Variants in CARS2 observed in about 807,000 individuals in gnomAD.
The protein encoded by CARS2 is cysteinyl-tRNA synthetase 2, mitochondrial.
In CARS2, 52 loss-of-function variants were observed where a neutral mutation model predicts 68.8. The ratio of observed to expected loss-of-function variants is 0.76; its 90% CI spans 0.61 to 0.95. CARS2 has a LOEUF of 0.95. CARS2 is among the 40% of genes least tolerant of loss of function. The pLI is 0.00. For missense variants in CARS2, 780 were observed against 754.2 expected (o/e 1.03, Z -0.40); for synonymous variants, 314 against 303.6 (o/e 1.03, Z -0.36).
chr13:110,674,407 A>T (rs540283464), intron 7 of CARS2, among the ~76,000 whole-genome samples: 2 of 134,490 alleles, frequency 1.5e-5, no homozygotes, highest in South Asian at 4.6e-4. Context: ...CTCAGAAATA[A>T]TACCACACAT....
chr13:110,675,582 A>G (rs1223316533), intron 7 of CARS2, among the ~76,000 whole-genome samples: 2 of 152,198 alleles, frequency 1.3e-5, no homozygotes, highest in African/African-American at 2.4e-5. Flanking sequence ...GGGGAGGGAT[A>G]GCATTAGGAG....
intron 14 of CARS2, 52 bp from the exon 15 acceptor site, chr13:110,641,660 A>G (rs754088913): frequency 7.0e-7 from 1 of 1,434,506 alleles, no homozygotes; most frequent in South Asian, 1.1e-5. Flanking sequence ...GTCATGTGGC[A>G]CAGGGGGCTG....
At position 110,705,942 on chromosome 13, in the gene CARS2, C is replaced by T. The variant is rs1344104443; in HGVS notation, c.152G>A (p.Gly51Asp). Residue 51 changes from glycine (G) to aspartate (D), a missense_variant, in exon 1 of 15, where the codon GGT becomes GAT. Coordinates refer to ENST00000257347, the MANE Select transcript of CARS2 (RefSeq NM_024537.4). The surrounding 1 kb of genome is among the most constrained non-coding windows in gnomAD (Gnocchi z 4.0). ...GGTGAGGCTGTTGTACACCTGCACA[C>T]CCGTCTCCCGGCCCGTGGGCTGCAG... Reference protein sequence around the residue: ...AWLQPTGRETGVQVYNSLTGR... With the variant: ...AWLQPTGRETDVQVYNSLTGR... 6.4e-7 allele frequency: 1 copy of T among 1,563,690 alleles called. No homozygotes were observed. Among genetic ancestry groups the T allele is most frequent in the Non-Finnish European group, 8.6e-7 (1 of 1,157,932 alleles).
chr13:110,706,114 A>G lies in CARS2; in HGVS notation c.-21T>C. On this transcript the variant is annotated 5_prime_UTR_variant, in exon 1 of 15. Coordinates refer to ENST00000257347, the MANE Select transcript of CARS2 (RefSeq NM_024537.4). ...AACATGTCAGCGGCCAGCGCCTACG[A>G]CTGGGCGGAGACGGGAGCCACGCCG... The G allele has an allele frequency of 7.7e-7, 1 of 1,291,266 alleles. No homozygotes were observed. Among genetic ancestry groups the G allele is most frequent in the East Asian group, 3.3e-5 (1 of 30,570 alleles). The allele number at this position is 1,291,266 out of a possible 1,614,324, so 80.0% of individuals were successfully genotyped here. A position where few individuals can be genotyped will look rare whatever the true frequency, so the allele number is the denominator to read the frequency against.
intron 2 of CARS2, among the ~76,000 whole-genome samples, chr13:110,703,045 C>T (rs2063835633): frequency 6.6e-6 from 1 of 152,190 alleles, no homozygotes; most frequent in Non-Finnish European, 1.5e-5. Context: ...CCTCCCCAGT[C>T]TGGCTGCAAC....
chr13:110,699,538 T>C (rs1164121204), intron 3 of CARS2, among the ~76,000 whole-genome samples: 2 of 152,184 alleles, frequency 1.3e-5, no homozygotes, highest in Non-Finnish European at 2.9e-5. Flanking sequence ...TTAAATTCCT[T>C]CATCAGATTC....
Position 110,641,600 on chromosome 13 carries a change from G to T in CARS2, c.1632C>A (p.Ser544Arg), listed in dbSNP as rs141184379. Residue 544 changes from serine (S) to arginine (R), a missense_variant, in exon 15 of 15, where the codon AGC becomes AGA. Transcript: ENST00000257347. ...TAHGINIKDR[S>R]STTSTWELLD... ...GCAGTTCCCACGTGGATGTTGTACT[G>T]CTTCTGTCCTGGAGAAGAAGAGTGA... The T allele has an allele frequency of 4.5e-4, 726 of 1,613,552 alleles. 2 individuals carry two copies. The African/African-American group carries it at 8.4e-3, about 19-fold the overall frequency.
rs1249270267 is a variant in CARS2, at chr13:110,649,931, C to CTGTTTTTTTTTTTTTTTTTT, written c.1054+1102_1054+1103insAAAAAAAAAAAAAAAAAACA. Among the ~76,000 whole-genome samples the CTGTTTTTTTTTTTTTTTTTT allele has an allele frequency of 2.5e-3, 180 of 73,146 alleles. 4 individuals are homozygous for CTGTTTTTTTTTTTTTTTTTT. The highest frequency in any genetic ancestry group is 5.2e-3 in the South Asian group (9 of 1,724). 48.0% of individuals were successfully genotyped at this position (73,146 alleles called of 152,430 possible). ...CCAGGGATGCAGCTCTGGATAACGA[C>CTGTTTTTTTTTTTTTTTTTT]TTTTTTTTTTTTTTTTTTTTTTTTG... On this transcript the variant is annotated intron_variant, in intron 10 of 14. Transcript: ENST00000257347.
At chr13:110,688,682 G>A (rs1205578311) in intron 3 of CARS2, 1 of 152,266 alleles carries the variant, frequency 6.6e-6, no homozygotes, top group African/African-American at 2.4e-5. Context: ...GACTAAGGCA[G>A]GTGGATGACA....
intron 2 of CARS2, among the ~76,000 whole-genome samples, chr13:110,704,677 T>A (rs1292657543): frequency 6.6e-6 from 1 of 151,976 alleles, no homozygotes; most frequent in Non-Finnish European, 1.5e-5. Flanking sequence ...GAGGCAGAGG[T>A]TGCAGTGAGC....
chr13:110,712,991 G>A (rs753089318), intron 1 of CARS2: 4 of 1,548,610 alleles, frequency 2.6e-6, no homozygotes, highest in South Asian at 2.4e-5. Flanking sequence ...GGTCTCCCGC[G>A]CACTCTGCGG....
At chr13:110,679,571 G>A (rs112605151) in intron 6 of CARS2, among the ~76,000 whole-genome samples, 1,109 of 99,980 alleles carry the variant, frequency 0.011, 21 homozygotes, top group African/African-American at 0.04. Context: ...GAAAGAAAGA[G>A]AGAGAAAGAA....
chr13:110,664,190 C>T (rs186018342), intron 8 of CARS2: 1 of 985,388 alleles, frequency 1.0e-6, no homozygotes. Context: ...GACTCTTCCT[C>T]TTTTTCTGAC....
At position 110,653,297 on chromosome 13, in the gene CARS2, C is replaced by T. The variant is rs2139709110; in HGVS notation, c.988-2197G>A. Among the ~76,000 whole-genome samples the T allele has an allele frequency of 6.6e-6, 1 of 152,150 alleles. No homozygotes were observed. The highest frequency in any genetic ancestry group is 2.1e-4 in the South Asian group (1 of 4,818). On this transcript the variant is annotated intron_variant, in intron 9 of 14. Coordinates refer to ENST00000257347, the MANE Select transcript of CARS2 (RefSeq NM_024537.4). The surrounding 1 kb of genome is among the most constrained non-coding windows in gnomAD (Gnocchi z 5.6). ...ACACTGGAATTCCATTTCCGTCTGT[C>T]CATCTCCCGGGTGCTCCTTCCCAAA...
At chr13:110,670,000 G>A (rs1471700003) in intron 7 of CARS2, among the ~76,000 whole-genome samples, 2 of 152,210 alleles carry the variant, frequency 1.3e-5, no homozygotes, top group Non-Finnish European at 2.9e-5. Flanking sequence ...AGGCGGCAGC[G>A]AGGCTGGGGG....
Position 110,677,118 on chromosome 13 carries a change from C to T in CARS2, c.656-15G>A, listed in dbSNP as rs559902282. On this transcript the variant is annotated splice_polypyrimidine_tract_variant and intron_variant, in intron 6 of 14. Transcript: ENST00000257347. ...GTCAGAGTCCGCTGCAGATGACAAA[C>T]GGTACATCAGTGGGAAGAAGCTCAG... 2.3e-5 allele frequency: 37 copies of T among 1,596,210 alleles called. No individual in the cohort carries two copies. Among genetic ancestry groups the T allele is most frequent in the South Asian group, 2.2e-4 (20 of 89,656 alleles).
intron 3 of CARS2, among the ~76,000 whole-genome samples, chr13:110,691,623 A>T (rs1594385772): frequency 6.6e-6 from 1 of 151,982 alleles, no homozygotes; most frequent in Non-Finnish European, 1.5e-5. Flanking sequence ...TCTCCAGATG[A>T]CCCCTAGCTG....
upstream of CARS2, chr13:110,706,454 CGCG>C (rs2063962893): frequency 6.0e-6 from 1 of 167,528 alleles, no homozygotes; most frequent in South Asian, 2.0e-4. Flanking sequence ...GTGTCCGCCG[CGCG>C]GGAGGAGCGT....
upstream of CARS2, among the ~76,000 whole-genome samples, chr13:110,710,948 A>ATTTT (rs1384240099): frequency 7.9e-6 from 1 of 125,804 alleles, no homozygotes; most frequent in African/African-American, 2.7e-5. Context: ...TTTTTTTTTA[A>ATTTT]AAAGAAAACC....
Sources: allele counts gnomAD v4.1 joint callset (sites outside exome capture counted in the v4.1 genomes callset), GRCh38; gene constraint gnomAD v4.1.1; non-coding constraint Gnocchi (gnomAD v3.1); transcripts MANE v1.5; gene names NCBI Gene and HGNC (gene_info 2026-07-23, HGNC 2026-07-21).